CCDC7: variants seen among roughly 807,000 people sequenced by gnomAD.
CCDC7 encodes the protein coiled-coil domain containing 7.
In CCDC7, 183 loss-of-function variants were observed where a neutral mutation model predicts 196.9. The observed-to-expected ratio is 0.93, with a 90% CI of 0.82 to 1.05. CCDC7 has a LOEUF of 1.05. CCDC7 is among the 50% of genes least tolerant of loss of function. The probability of loss-of-function intolerance (pLI) is 0.00; values close to 1 mark genes in which losing one functional copy is unlikely to be tolerated. For synonymous variants in CCDC7, 525 were observed against 484.6 expected (o/e 1.08, Z -1.10); for missense variants, 1,540 against 1,482.2 (o/e 1.04, Z -0.64).
At chr10:32,716,382 A>G (rs748200669) in intron 25 of CCDC7, among the ~76,000 whole-genome samples, 11 of 152,242 alleles carry the variant, frequency 7.2e-5, no homozygotes, top group Non-Finnish European at 1.3e-4. Flanking sequence ...CTGCCTTACA[A>G]GAGCTCCTGA....
rs531796176 is a variant in CCDC7 at position 32,550,215 on chromosome 10, T to G, written c.1134+5914T>G. Among the ~76,000 whole-genome samples the G allele has an allele frequency of 5.9e-5, 9 of 151,936 alleles. No homozygotes were observed. In the South Asian group the frequency reaches 1.7e-3, roughly 28 times the overall value. Reference sequence around the variant, plus strand: ...GTACTTGATTTGATTTTCCGCTTGGTTGCTGTTGGTGTATAGAAGAGTTAC... The same window carrying G: ...GTACTTGATTTGATTTTCCGCTTGGGTGCTGTTGGTGTATAGAAGAGTTAC... On this transcript the variant is annotated intron_variant, in intron 13 of 41. Coordinates refer to ENST00000639629, the Ensembl canonical transcript of CCDC7.
chr10:32,449,554 CT>C (rs372154032), upstream of CCDC7, among the ~76,000 whole-genome samples: 60 of 152,050 alleles, frequency 3.9e-4, no homozygotes, highest in African/African-American at 1.4e-3. Context: ...TCATATACCC[CT>C]GGGGGTGTCC....
chr10:32,506,553 G>A (rs1209752411), intron 9 of CCDC7, among the ~76,000 whole-genome samples: 5 of 152,220 alleles, frequency 3.3e-5, no homozygotes, highest in Non-Finnish European at 7.3e-5. Context: ...CTGCACTCCA[G>A]CCTGGGCAAC....
intron 8 of CCDC7, among the ~76,000 whole-genome samples, chr10:32,482,966 C>T (rs1353718261): frequency 6.6e-6 from 1 of 152,128 alleles, no homozygotes. Context: ...CATACGTGTG[C>T]ATGTGTCTTT....
chr10:32,533,521 G>A (rs1468927735), intron 11 of CCDC7, among the ~76,000 whole-genome samples: 2 of 151,152 alleles, frequency 1.3e-5, no homozygotes, highest in Non-Finnish European at 3.0e-5. Context: ...TTTTTATTTT[G>A]CACGTTGGTG....
chr10:32,816,386 C>T (rs935449519), intron 31 of CCDC7, among the ~76,000 whole-genome samples: 3 of 152,224 alleles, frequency 2.0e-5, no homozygotes, highest in Admixed American at 1.3e-4. Context: ...GGCCTGCCTG[C>T]CTCTGTAGAC....
downstream of CCDC7, among the ~76,000 whole-genome samples, chr10:32,878,201 A>G (rs186249364): frequency 2.6e-5 from 4 of 152,130 alleles, no homozygotes; most frequent in Admixed American, 2.6e-4. Context: ...GTGACTGGGA[A>G]TCTAGATTTT....
chr10:32,768,021 A>C (rs149890152), intron 28 of CCDC7, among the ~76,000 whole-genome samples: 1 of 152,122 alleles, frequency 6.6e-6, no homozygotes, highest in Non-Finnish European at 1.5e-5. Context: ...ATCAAGTAGA[A>C]GAAAGGATTA....
intron 24 of CCDC7, among the ~76,000 whole-genome samples, chr10:32,700,126 G>A (rs1180062793): frequency 2.0e-5 from 3 of 149,458 alleles, no homozygotes; most frequent in Non-Finnish European, 4.4e-5. Context: ...TGAAGTCCTT[G>A]CCCATGCCTA....
rs533801350 is a variant in CCDC7, at chr10:32,665,583, T to G, written c.2122+1422T>G. Among the ~76,000 whole-genome samples, 245 of 152,202 alleles carry G rather than the reference T, an allele frequency of 1.6e-3. 1 individual carries two copies. Among genetic ancestry groups the G allele is most frequent in the Non-Finnish European group, 3.2e-3 (218 of 67,972 alleles). ...TTTATTCCAGTGATCTACATGTCTG[T>G]TTTTGTACCAGTACCATGCTGTCTT... On this transcript the variant is annotated intron_variant, in intron 21 of 41. Coordinates refer to ENST00000639629, the Ensembl canonical transcript of CCDC7.
intron 18 of CCDC7, among the ~76,000 whole-genome samples, chr10:32,588,745 T>C (rs1462817931): frequency 6.6e-6 from 1 of 152,160 alleles, no homozygotes; most frequent in African/African-American, 2.4e-5. Context: ...AAATGTTTTA[T>C]AGAATTCATC....
intron 21 of CCDC7, among the ~76,000 whole-genome samples, chr10:32,667,239 G>C (rs931001484): frequency 2.0e-5 from 3 of 152,054 alleles, no homozygotes; most frequent in African/African-American, 4.8e-5. Context: ...TTGTAAATTT[G>C]TTTAAGTTCT....
At chr10:32,714,765 A>G (rs1179526593) in intron 25 of CCDC7, among the ~76,000 whole-genome samples, 1 of 152,136 alleles carries the variant, frequency 6.6e-6, no homozygotes, top group Admixed American at 6.5e-5. Context: ...CTCACAGTGT[A>G]AACAAAGCTG....
At chr10:32,596,380 T>A (rs1456196738) in intron 18 of CCDC7, among the ~76,000 whole-genome samples, 2 of 152,222 alleles carry the variant, frequency 1.3e-5, no homozygotes, top group African/African-American at 2.4e-5. Context: ...TGTTTTCCAT[T>A]TGCTTGGTAG....
intron 33 of CCDC7, among the ~76,000 whole-genome samples, chr10:32,843,859 A>G (rs1475131666): frequency 6.6e-6 from 1 of 151,888 alleles, no homozygotes; most frequent in Admixed American, 6.6e-5. Context: ...CTGTGTACTT[A>G]TGGAAAATAT....
intron 18 of CCDC7, among the ~76,000 whole-genome samples, chr10:32,609,122 T>C (rs1314675415): frequency 1.3e-5 from 2 of 152,204 alleles, no homozygotes; most frequent in Non-Finnish European, 2.9e-5. Flanking sequence ...AGGTCTGTTA[T>C]GTCCACTTAA....
At chr10:32,560,409 G>A (rs1256188755) in intron 13 of CCDC7, among the ~76,000 whole-genome samples, 1 of 152,140 alleles carries the variant, frequency 6.6e-6, no homozygotes, top group Admixed American at 6.5e-5. Flanking sequence ...AAAATGTTAA[G>A]GGCAGCCAGA....
intron 18 of CCDC7, among the ~76,000 whole-genome samples, chr10:32,629,136 C>T (rs1313395268): frequency 6.6e-6 from 1 of 152,010 alleles, no homozygotes; most frequent in East Asian, 1.9e-4. Context: ...GTTGTTTTTC[C>T]CTTCAGACAT....
At chr10:32,462,396 G>C (rs981955825) in intron 3 of CCDC7, among the ~76,000 whole-genome samples, 1 of 152,124 alleles carries the variant, frequency 6.6e-6, no homozygotes, top group African/African-American at 2.4e-5. Context: ...CTGCACTCAA[G>C]CCTGGGTGAC....
Sources: gnomAD v4.1 joint callset for allele counts (sites outside exome capture counted in the v4.1 genomes callset) on GRCh38, gnomAD v4.1.1 for gene constraint, MANE v1.5 for transcripts, NCBI Gene and HGNC (gene_info 2026-07-23, HGNC 2026-07-21) for gene names.